Variants in PUDP observed in about 807,000 individuals in gnomAD.
The protein encoded by PUDP is pseudouridine-5'-phosphatase.
PUDP carries 8 observed loss-of-function variants against 9.4 expected under a neutral mutation model. The observed-to-expected ratio is 0.85, with a 90% CI of 0.50 to 1.53. PUDP has a LOEUF of 1.53. Among genes scored for constraint, PUDP ranks in the 40% most tolerant of loss-of-function variants. PUDP has a pLI of 0.00. For synonymous variants in PUDP, 99 were observed against 80.7 expected (o/e 1.23, Z -1.22); for missense variants, 188 against 189.7 (o/e 0.99, Z 0.05).
At chrX:6,934,670 TAA>T (rs1928265431) in intron 3 of PUDP, among the ~76,000 whole-genome samples, 1 of 100,332 alleles carries the variant, frequency 1.0e-5, no homozygotes, top group South Asian at 5.1e-4. Flanking sequence ...ATGCTCCAAT[TAA>T]AAGACACAGA....
intron 3 of PUDP, among the ~76,000 whole-genome samples, chrX:7,068,215 A>T (rs1034800459): frequency 1.8e-5 from 2 of 112,585 alleles, no homozygotes; most frequent in Non-Finnish European, 3.7e-5. Flanking sequence ...ATAAGAAATG[A>T]CATTGGCTAT....
At chrX:7,109,840 A>G (rs1931988768) in intron 1 of PUDP, among the ~76,000 whole-genome samples, 1 of 112,896 alleles carries the variant, frequency 8.9e-6, no homozygotes, top group Non-Finnish European at 1.9e-5. Context: ...CTGCTTACTA[A>G]CAAGCTTGCA....
intron 3 of PUDP, among the ~76,000 whole-genome samples, chrX:6,906,423 C>T (rs1050670000): frequency 8.9e-6 from 1 of 112,240 alleles, no homozygotes; most frequent in African/African-American, 3.2e-5. Context: ...ACCTCGCCCC[C>T]CAACCGTGTT....
intron 3 of PUDP, among the ~76,000 whole-genome samples, chrX:6,822,128 C>T (rs1208915097): frequency 1.8e-5 from 2 of 111,607 alleles, no homozygotes; most frequent in Non-Finnish European, 3.8e-5. Context: ...TAAACTTCCA[C>T]TCTTAACCTC....
At position 7,050,186 on chromosome X, in the gene PUDP, TAAAA is replaced by T. The variant is rs1930056545; in HGVS notation, c.*106_*109del. On this transcript the variant is annotated 3_prime_UTR_variant, in exon 4 of 4. Transcript: ENST00000381077. ...GATGGAAACTCCAATCTCAGGAGGCTAAAATCACAGCGCAGGTTGGGATTGAAGA... is the reference window on the plus strand; with the variant it reads ...GATGGAAACTCCAATCTCAGGAGGCTTCACAGCGCAGGTTGGGATTGAAGA... 2 of 759,151 alleles carry T rather than the reference TAAAA, an allele frequency of 2.6e-6. No homozygotes were observed. Among genetic ancestry groups the T allele is most frequent in the East Asian group, 7.1e-5 (2 of 28,015 alleles). 62.6% of individuals were successfully genotyped at this position (759,151 alleles called of 1,213,427 possible).
intron 3 of PUDP, among the ~76,000 whole-genome samples, chrX:6,757,778 A>G (rs994417523): frequency 1.8e-5 from 2 of 112,526 alleles, no homozygotes; most frequent in African/African-American, 6.5e-5. Flanking sequence ...TGCCGAAATT[A>G]TGCATTTCAG....
At chrX:7,004,982 T>C (rs1340307854) in intron 1 of PUDP, among the ~76,000 whole-genome samples, 1 of 112,168 alleles carries the variant, frequency 8.9e-6, no homozygotes, top group African/African-American at 3.3e-5. Context: ...GGAAAATAAC[T>C]ATCAAATTAT....
chrX:6,898,021 A>C (rs1927618171), intron 3 of PUDP, among the ~76,000 whole-genome samples: 1 of 112,229 alleles, frequency 8.9e-6, no homozygotes, highest in South Asian at 3.7e-4. Flanking sequence ...GTAGGTGCTC[A>C]CTCACTCTCT....
chrX:6,843,777 T>C (rs771584688), intron 3 of PUDP, among the ~76,000 whole-genome samples: 5 of 112,484 alleles, frequency 4.4e-5, no homozygotes, highest in Non-Finnish European at 9.4e-5. Flanking sequence ...TTTTGCTAAC[T>C]AACCATCAGT....
chrX:6,778,736 GAT>G (rs1172601811), intron 3 of PUDP, among the ~76,000 whole-genome samples: 1 of 112,336 alleles, frequency 8.9e-6, no homozygotes, highest in Non-Finnish European at 1.9e-5. Context: ...GAGAAAGAGA[GAT>G]AGAGAGAGAA....
At chrX:6,898,970 T>G (rs1927633422) in intron 3 of PUDP, among the ~76,000 whole-genome samples, 1 of 111,641 alleles carries the variant, frequency 9.0e-6, no homozygotes, top group Non-Finnish European at 1.9e-5. Flanking sequence ...AGAAGGTCTT[T>G]CTTACCCCTT....
At chrX:7,020,941 G>A (rs750566463) in intron 1 of PUDP, among the ~76,000 whole-genome samples, 1 of 112,598 alleles carries the variant, frequency 8.9e-6, no homozygotes, top group Non-Finnish European at 1.9e-5. Flanking sequence ...CCACTGAGAG[G>A]TGGCCCAGAG....
intron 3 of PUDP, among the ~76,000 whole-genome samples, chrX:6,895,609 A>G (rs1927579626): frequency 9.0e-6 from 1 of 111,033 alleles, no homozygotes; most frequent in Non-Finnish European, 1.9e-5. Flanking sequence ...CCAAGGAATG[A>G]GTCAAATTGC....
At chrX:6,903,956 ATT>A (rs1372930172) in intron 3 of PUDP, among the ~76,000 whole-genome samples, 61 of 96,913 alleles carry the variant, frequency 6.3e-4, no homozygotes, top group Non-Finnish European at 8.4e-4. Flanking sequence ...ATATATATTT[ATT>A]TTTTTTTTTT....
At chrX:7,027,892 T>G (rs1332919540) in intron 1 of PUDP, among the ~76,000 whole-genome samples, 2 of 97,357 alleles carry the variant, frequency 2.1e-5, no homozygotes, top group East Asian at 3.2e-4. Context: ...TTTCTATATA[T>G]AGACTATATA....
chrX:6,732,283 G>A (rs941848945), intron 3 of PUDP, among the ~76,000 whole-genome samples: 23 of 109,655 alleles, frequency 2.1e-4, no homozygotes, highest in African/African-American at 6.4e-4. Flanking sequence ...TTGCATTTTC[G>A]TGTCCTGGGG....
intron 3 of PUDP, among the ~76,000 whole-genome samples, chrX:6,751,611 C>A (rs747119443): frequency 1.8e-5 from 2 of 111,145 alleles, no homozygotes; most frequent in Non-Finnish European, 3.8e-5. Flanking sequence ...TTGGAAGGAG[C>A]TTTGAGATCA....
At chrX:7,117,598 G>A (rs751659660) in intron 1 of PUDP, among the ~76,000 whole-genome samples, 7 of 112,926 alleles carry the variant, frequency 6.2e-5, no homozygotes, top group Non-Finnish European at 1.1e-4. Context: ...TAAAGGGAAG[G>A]TAGAGCAAAA....
intron 3 of PUDP, among the ~76,000 whole-genome samples, chrX:6,803,060 T>TATAAAATAAA (rs374121914): frequency 0.028 from 222 of 7,874 alleles, 9 homozygotes; most frequent in Non-Finnish European, 0.033. Context: ...TAAAATAAAA[T>TATAAAATAAA]ATAAAATAAA....
Sources: allele counts gnomAD v4.1 joint callset (sites outside exome capture counted in the v4.1 genomes callset), GRCh38; gene constraint gnomAD v4.1.1; transcripts MANE v1.5; gene names NCBI Gene and HGNC (gene_info 2026-07-23, HGNC 2026-07-21).